Variants in SLC4A1 observed in about 807,000 individuals in gnomAD.
SLC4A1 encodes solute carrier family 4 member 1 (Diego blood group), also known as band 3 anion transport protein.
SLC4A1 carries 29 observed loss-of-function variants against 93.1 expected under a neutral mutation model. The ratio of observed to expected loss-of-function variants is 0.31; its 90% CI spans 0.23 to 0.42. The LOEUF (loss-of-function observed/expected upper bound fraction) is 0.42. SLC4A1 is among the 20% of genes least tolerant of loss of function. The pLI is 1.00. For missense variants in SLC4A1, 965 were observed against 1,190.1 expected (o/e 0.81, Z 2.78); for synonymous variants, 469 against 497.2 (o/e 0.94, Z 0.76).
Position 44,251,453 on chromosome 17 carries a change from G to A in SLC4A1, c.2447C>T (p.Pro816Leu). ...FDRILLLFKP[P>L]KYHPDVPYVK... ...GTAGGGCACATCTGGGTGATACTTGGGTGGCTTGAACAGAAGCAAGATGCG... is the reference window on the plus strand; with the variant it reads ...GTAGGGCACATCTGGGTGATACTTGAGTGGCTTGAACAGAAGCAAGATGCG... The change falls in exon 18 of 20, where the codon CCC becomes CTC. Residue 816 changes from proline to leucine, a missense_variant. Coordinates refer to ENST00000262418, the MANE Select transcript of SLC4A1 (RefSeq NM_000342.4). 6.2e-7 allele frequency: 1 copy of A among 1,614,214 alleles called. No homozygotes were observed. Among genetic ancestry groups the A allele is most frequent in the Non-Finnish European group, 8.5e-7 (1 of 1,180,046 alleles).
intron 13 of SLC4A1, 48 bp from the exon 14 acceptor site, chr17:44,255,894 G>C: frequency 6.2e-7 from 1 of 1,600,042 alleles, no homozygotes; most frequent in East Asian, 2.2e-5. Context: ...CTTTGGCTTG[G>C]GCTGGAAAAT....
chr17:44,262,324 A>AT (rs1410510152), intron 3 of SLC4A1, among the ~76,000 whole-genome samples: 1 of 152,000 alleles, frequency 6.6e-6, no homozygotes, highest in Non-Finnish European at 1.5e-5. Context: ...GAACAAGCCC[A>AT]TTTTCTGGCC....
At position 44,262,982 on chromosome 17, in the gene SLC4A1, C is replaced by T; in HGVS notation, c.-68-48G>A. On this transcript the variant is annotated intron_variant, in intron 1 of 19. Transcript: ENST00000262418. ...AGTGGGGCACAGGGCATCCCAGGGT[C>T]TCCTGGTCCTCCTCCAGAGGGGGCC... 4 of 1,497,764 alleles carry T rather than the reference C, an allele frequency of 2.7e-6. No individual in the cohort carries two copies. The South Asian group carries it at 3.4e-5, about 13-fold the overall frequency. The allele number at this position is 1,497,764 out of a possible 1,614,324, so 92.8% of individuals were successfully genotyped here.
Position 44,258,239 on chromosome 17 carries a change from G to A in SLC4A1, c.1088-59C>T. The A allele has an allele frequency of 6.5e-7, 1 of 1,533,502 alleles. No individual in the cohort carries two copies. The highest frequency in any genetic ancestry group is 9.0e-7 in the Non-Finnish European group (1 of 1,108,264). 95.0% of individuals were successfully genotyped at this position (1,533,502 alleles called of 1,614,324 possible). A position where few individuals can be genotyped will look rare whatever the true frequency, so the allele number is the denominator to read the frequency against. ...GTAGCTGGAGGAGGTGAGGGGAAAG[G>A]GGACTGGAGGGTGTAGGGGAGATTG... is the stretch of plus-strand genomic sequence containing the variant. On this transcript the variant is annotated intron_variant, in intron 10 of 19. Coordinates refer to ENST00000262418, the MANE Select transcript of SLC4A1 (RefSeq NM_000342.4). The surrounding 1 kb of genome is among the most constrained non-coding windows in gnomAD (Gnocchi z 6.1).
chr17:44,255,976 T>C, intron 13 of SLC4A1, 130 bp from the exon 14 acceptor site: 1 of 853,266 alleles, frequency 1.2e-6, no homozygotes, highest in Middle Eastern at 2.3e-4. Flanking sequence ...TCCATCCATT[T>C]ATCCACCCAT....
Position 44,253,377 on chromosome 17 carries a change from G to A in SLC4A1, c.2058-6C>T. 1 of 1,608,138 alleles carries A rather than the reference G, an allele frequency of 6.2e-7. No homozygotes were observed. The highest frequency in any genetic ancestry group is 8.5e-7 in the Non-Finnish European group (1 of 1,175,678). On this transcript the variant is annotated splice_polypyrimidine_tract_variant and splice_region_variant and intron_variant, in intron 16 of 19. Coordinates refer to ENST00000262418, the MANE Select transcript of SLC4A1 (RefSeq NM_000342.4). The stretch of plus-strand genomic sequence containing the variant: ...CAGGTTTGCTGACAATCAGCCTACG[G>A]TAGGGGAAGGTGAGGGGTAAGCAGG...
At position 44,260,489 on chromosome 17, in the gene SLC4A1, G is replaced by T. The variant is rs772316375; in HGVS notation, c.400C>A (p.Gln134Lys). 2 of 1,614,226 alleles carry T rather than the reference G, an allele frequency of 1.2e-6. No homozygotes were observed. The highest frequency in any genetic ancestry group is 1.7e-5 in the Admixed American group (1 of 60,034). ...QETSLAGVAN[Q>K]LLDRFIFEDQ... ...TCAAAGATAAACCTGTCTAGCAGTTGGTTGGCCACTCCAGCCAGGGAGGTC... is the reference window on the plus strand; with the variant it reads ...TCAAAGATAAACCTGTCTAGCAGTTTGTTGGCCACTCCAGCCAGGGAGGTC... The change falls in exon 6 of 20, where the codon CAA (glutamine) becomes AAA (lysine). Residue 134 changes from glutamine to lysine, a missense_variant. Gln to Lys is a moderately conservative substitution (Grantham distance 53, BLOSUM62 1). Around this residue, in one of 2 missense-constraint regions of SLC4A1, gnomAD observed 195 missense variants for 183.5 expected, o/e 1.06. Coordinates refer to ENST00000262418, the MANE Select transcript of SLC4A1 (RefSeq NM_000342.4).
chr17:44,252,888 A>G (rs1323009282), intron 17 of SLC4A1, among the ~76,000 whole-genome samples: 1 of 152,062 alleles, frequency 6.6e-6, no homozygotes, highest in Non-Finnish European at 1.5e-5. Context: ...TGGTCTGGAG[A>G]AGGCCTCGGA....
At chr17:44,256,869 A>G (rs1400275132) in intron 13 of SLC4A1, among the ~76,000 whole-genome samples, 4 of 152,228 alleles carry the variant, frequency 2.6e-5, no homozygotes, top group Admixed American at 2.0e-4. Context: ...ACATAGACAC[A>G]TATGTTGACA....
chr17:44,261,378 GCTCCTGGAAAGGGGCC>G (rs1389449877), intron 4 of SLC4A1, among the ~76,000 whole-genome samples, 181 bp downstream of exon 4: 6 of 152,356 alleles, frequency 3.9e-5, no homozygotes, highest in African/African-American at 1.2e-4. Flanking sequence ...TGCCCAGGGT[GCTCCTGGAAAGGGGCC>G]CAGGCCTCCC....
At chr17:44,255,081 G>A (rs1453485404) in intron 15 of SLC4A1, 126 bp downstream of exon 15, 3 of 728,448 alleles carry the variant, frequency 4.1e-6, no homozygotes, top group Non-Finnish European at 4.9e-6. Flanking sequence ...AGGAGGCAGG[G>A]ATGGGGTAGA....
chr17:44,265,133 G>A (rs1308816934), intron 1 of SLC4A1, among the ~76,000 whole-genome samples: 1 of 150,434 alleles, frequency 6.6e-6, no homozygotes, highest in Non-Finnish European at 1.5e-5. Context: ...GCTGGTGGGA[G>A]GGGGTGCTGA....
intron 13 of SLC4A1, among the ~76,000 whole-genome samples, chr17:44,256,491 T>C (rs2047390116): frequency 6.6e-6 from 1 of 152,146 alleles, no homozygotes; most frequent in Admixed American, 6.5e-5. Context: ...GGCTCACCCT[T>C]CTCCCATATA....
At chr17:44,262,399 C>T (rs1390716761) in intron 3 of SLC4A1, among the ~76,000 whole-genome samples, 2 of 152,240 alleles carry the variant, frequency 1.3e-5, no homozygotes, top group Non-Finnish European at 2.9e-5. Context: ...AAACTGGCTG[C>T]CCGCCCTTCT....
intron 1 of SLC4A1, among the ~76,000 whole-genome samples, chr17:44,264,736 T>C (rs2047480904): frequency 6.6e-6 from 1 of 152,018 alleles, no homozygotes; most frequent in Non-Finnish European, 1.5e-5. Flanking sequence ...GCCTCTGAGC[T>C]CGGGGTCTCA....
chr17:44,250,164 G>T lies in SLC4A1; in HGVS notation c.*294C>A. 4.7e-6 allele frequency: 2 copies of T among 424,796 alleles called. No homozygotes were observed. Among genetic ancestry groups the T allele is most frequent in the East Asian group, 9.6e-5 (2 of 20,940 alleles). The allele number at this position is 424,796 out of a possible 1,614,324, so 26.3% of individuals were successfully genotyped here. On this transcript the variant is annotated 3_prime_UTR_variant, in exon 20 of 20. Coordinates refer to ENST00000262418, the MANE Select transcript of SLC4A1 (RefSeq NM_000342.4). ...CCCTGCCTGTGCTGGGAAGAGGGAG[G>T]GCTCAGATCTAAGTCTTCCAGCACG...
At chr17:44,266,218 C>A (rs1301279853) in intron 1 of SLC4A1, among the ~76,000 whole-genome samples, 6 of 152,010 alleles carry the variant, frequency 3.9e-5, no homozygotes, top group African/African-American at 1.5e-4. Context: ...CCCTGATGAC[C>A]CACCTCTTCT....
rs1156552888 is a variant in SLC4A1, at chr17:44,258,681, A to G, written c.877-58T>C. On this transcript the variant is annotated intron_variant, in intron 9 of 19. Coordinates refer to ENST00000262418, the MANE Select transcript of SLC4A1 (RefSeq NM_000342.4). The surrounding 1 kb of genome is among the most constrained non-coding windows in gnomAD (Gnocchi z 6.1). ...GACCTGCGGAGGGAAAGGACCCAGG[A>G]GTCCACAGCCAGGGCCTCCAGGAAC... 7.2e-6 allele frequency: 11 copies of G among 1,518,880 alleles called. No individual in the cohort carries two copies. In the East Asian group the frequency reaches 2.5e-4, roughly 34 times the overall value. The allele number at this position is 1,518,880 out of a possible 1,614,324, so 94.1% of individuals were successfully genotyped here.
At position 44,259,609 on chromosome 17, in the gene SLC4A1, T is replaced by C; in HGVS notation, c.610-28A>G. The stretch of plus-strand genomic sequence containing the variant: ...GTGGGAAGGAGGGTGGTGACGGGAG[T>C]CCTCGGGCCAGTCTGACCTGGGAGA... On this transcript the variant is annotated intron_variant, in intron 7 of 19. Coordinates refer to ENST00000262418, the MANE Select transcript of SLC4A1 (RefSeq NM_000342.4). 3.8e-6 allele frequency: 6 copies of C among 1,585,320 alleles called. No homozygotes were observed. In the South Asian group the frequency reaches 5.5e-5, roughly 15 times the overall value.
Sources: allele counts gnomAD v4.1 joint callset (sites outside exome capture counted in the v4.1 genomes callset), GRCh38; gene constraint gnomAD v4.1.1; regional missense constraint gnomAD v4.1.1; non-coding constraint Gnocchi (gnomAD v3.1); transcripts MANE v1.5; gene names NCBI Gene and HGNC (gene_info 2026-07-23, HGNC 2026-07-21).